GMPS: variants seen among roughly 807,000 people sequenced by gnomAD.
GMPS encodes GMP synthase [glutamine-hydrolyzing].
A neutral mutation model predicts 77.9 loss-of-function variants in GMPS; 15 were observed. The ratio of observed to expected loss-of-function variants is 0.19; its 90% CI spans 0.13 to 0.30. GMPS has a LOEUF of 0.30. Among genes scored for constraint, GMPS ranks in the 10% least tolerant of loss-of-function variants. The pLI is 1.00. For missense variants in GMPS, 590 were observed against 838.8 expected (o/e 0.70, Z 3.66); for synonymous variants, 224 against 275.9 (o/e 0.81, Z 1.86).
In GMPS at chr3:155,935,017, T is replaced by C. The variant is rs777424999; in HGVS notation, c.1778T>C (p.Phe593Ser). 208 of 1,608,862 alleles carry C rather than the reference T, an allele frequency of 1.3e-4. No homozygotes were observed. The highest frequency in any genetic ancestry group is 1.7e-4 in the Non-Finnish European group (202 of 1,175,306). ...GVLSTLRQAD[F>S]EAHNILRESG... ...CTCAGTACTTTACGCCAAGCTGATT[T>C]TGAGGCCCATAACATTCTCAGGGAG... The change falls in exon 14 of 16, where the codon TTT (phenylalanine) becomes TCT (serine). Residue 593 changes from phenylalanine to serine, a missense_variant. Around this residue, in one of 6 missense-constraint regions of GMPS, gnomAD observed 73 missense variants for 170.5 expected, o/e 0.43. Coordinates refer to ENST00000496455, the MANE Select transcript of GMPS (RefSeq NM_003875.3).
chr3:155,871,287 G>T (rs1753899007), intron 1 of GMPS, among the ~76,000 whole-genome samples: 1 of 151,980 alleles, frequency 6.6e-6, no homozygotes, highest in Admixed American at 6.6e-5. Context: ...CTCCCACCCC[G>T]TCCCTCTGGG....
upstream of GMPS, among the ~76,000 whole-genome samples, chr3:155,870,157 T>C (rs535827219): frequency 3.3e-5 from 5 of 152,356 alleles, no homozygotes; most frequent in East Asian, 9.6e-4. Flanking sequence ...CCTTGAGATA[T>C]GGCCACGGAA....
intron 3 of GMPS, among the ~76,000 whole-genome samples, chr3:155,903,629 A>G (rs1366563169): frequency 1.3e-5 from 2 of 152,258 alleles, no homozygotes; most frequent in Non-Finnish European, 2.9e-5. Flanking sequence ...TTTGACAGAA[A>G]TTAACTGCAG....
intron 1 of GMPS, among the ~76,000 whole-genome samples, chr3:155,891,410 A>G (rs763889832): frequency 3.8e-4 from 58 of 152,162 alleles, no homozygotes; most frequent in Non-Finnish European, 5.1e-4. Context: ...GGGTGTGTGT[A>G]TGTGTATACA....
At position 155,870,673 on chromosome 3, in the gene GMPS, C is replaced by T. The variant is rs1753880803; in HGVS notation, c.-198C>T. 1 of 504,250 alleles carries T rather than the reference C, an allele frequency of 2.0e-6. No individual in the cohort carries two copies. The allele number at this position is 504,250 out of a possible 1,614,324, so 31.2% of individuals were successfully genotyped here. A position where few individuals can be genotyped will look rare whatever the true frequency, so the allele number is the denominator to read the frequency against. ...GCAGCGTGCGCGCTGCTGGTCTTCT[C>T]TCCCGCGGCGCTGGGGCCCGCGCTC... On this transcript the variant is annotated 5_prime_UTR_variant, in exon 1 of 16. Transcript: ENST00000496455.
intron 1 of GMPS, among the ~76,000 whole-genome samples, chr3:155,891,027 G>A (rs1300188678): frequency 6.6e-6 from 1 of 152,186 alleles, no homozygotes; most frequent in African/African-American, 2.4e-5. Flanking sequence ...AATGAAAGAA[G>A]GGAGGTGATT....
intron 12 of GMPS, among the ~76,000 whole-genome samples, chr3:155,926,587 T>A (rs1017027058): frequency 6.6e-6 from 1 of 150,814 alleles, no homozygotes. Flanking sequence ...AATAAAAAAA[T>A]AAAAAATAAA....
chr3:155,906,091 A>T, intron 4 of GMPS, 69 bp from the exon 5 acceptor site: 1 of 910,386 alleles, frequency 1.1e-6, no homozygotes. Flanking sequence ...TTGTGTTTCT[A>T]AAACAAAAGA....
chr3:155,935,132 T>TTTTTTTATTTTAGATGCTTTTTTTA, intron 14 of GMPS, 86 bp downstream of exon 14: 1 of 860,164 alleles, frequency 1.2e-6, no homozygotes, highest in Non-Finnish European at 1.9e-6. Context: ...TGGCTTTTGC[T>TTTTTTTATTTTAGATGCTTTTTTTA]TTTTAGATGC....
chr3:155,903,937 G>A lies in GMPS; in HGVS notation c.399G>A (p.Val133=). The change falls in exon 4 of 16, where the codon GTG becomes GTA. Residue 133 remains valine (V), a synonymous_variant. Transcript: ENST00000496455. ...AAGATGGAGTTTTCAACATTAGTGT[G>A]GATAATACATGTTCATTATTCAGGT... The part of the protein sequence containing the change: ...VREDGVFNIS[V]DNTCSLFRGL... The A allele has an allele frequency of 6.8e-7, 1 of 1,474,098 alleles. No homozygotes were observed. The highest frequency in any genetic ancestry group is 2.3e-5 in the East Asian group (1 of 42,910). 91.3% of individuals were successfully genotyped at this position (1,474,098 alleles called of 1,614,324 possible).
chr3:155,877,036 C>T (rs534978030), intron 1 of GMPS, among the ~76,000 whole-genome samples: 4 of 152,156 alleles, frequency 2.6e-5, no homozygotes, highest in African/African-American at 9.7e-5. Flanking sequence ...AAACTCACAG[C>T]GGTCCATGTA....
At chr3:155,932,767 G>T (rs1489919878) in intron 13 of GMPS, among the ~76,000 whole-genome samples, 1 of 152,192 alleles carries the variant, frequency 6.6e-6, no homozygotes, top group Non-Finnish European at 1.5e-5. Flanking sequence ...TATAGTTCGA[G>T]ATAAGGAGTT....
At chr3:155,897,789 T>C in intron 2 of GMPS, 138 bp from the exon 3 acceptor site, 1 of 636,282 alleles carries the variant, frequency 1.6e-6, no homozygotes, top group Non-Finnish European at 2.9e-6. Flanking sequence ...GTGATATAAT[T>C]AGAATTTGCT....
chr3:155,917,128 G>A (rs964818881), intron 9 of GMPS, among the ~76,000 whole-genome samples: 2 of 151,796 alleles, frequency 1.3e-5, no homozygotes, highest in Non-Finnish European at 2.9e-5. Flanking sequence ...CATGCGCCAC[G>A]AGGCCCGGCT....
At chr3:155,879,257 G>A (rs1754148217) in intron 1 of GMPS, among the ~76,000 whole-genome samples, 1 of 146,928 alleles carries the variant, frequency 6.8e-6, no homozygotes, top group Non-Finnish European at 1.5e-5. Flanking sequence ...ATCCTTTTCT[G>A]CACTTGTCTT....
chr3:155,897,363 G>T (rs1403361387), intron 2 of GMPS, among the ~76,000 whole-genome samples: 1 of 152,170 alleles, frequency 6.6e-6, no homozygotes, highest in South Asian at 2.1e-4. Flanking sequence ...CAGGGCATGT[G>T]GGGGCAGAAG....
At chr3:155,919,094 C>T in intron 9 of GMPS, 139 bp from the exon 10 acceptor site, 1 of 554,368 alleles carries the variant, frequency 1.8e-6, no homozygotes. Context: ...GGAACAAATA[C>T]TTTAAAAGAT....
At chr3:155,913,663 G>C (rs1459772904) in intron 7 of GMPS, among the ~76,000 whole-genome samples, 2 of 152,000 alleles carry the variant, frequency 1.3e-5, no homozygotes, top group Non-Finnish European at 2.9e-5. Flanking sequence ...TGGGATTGCA[G>C]ACATGTGCCA....
chr3:155,916,159 T>C lies in GMPS; in HGVS notation c.1179T>C (p.Asn393=), dbSNP rs934648284. Residue 393 remains asparagine, a synonymous_variant, in exon 9 of 16, where the codon AAT becomes AAC. Coordinates refer to ENST00000496455, the MANE Select transcript of GMPS (RefSeq NM_003875.3). Reference sequence around the variant, plus strand: ...CTGAACTCATCAAAACCCATCACAATGACACAGAGCTCATCAGAAAGTTGA... The same window carrying C: ...CTGAACTCATCAAAACCCATCACAACGACACAGAGCTCATCAGAAAGTTGA... ...GKAELIKTHH[N]DTELIRKLRE... 6.2e-7 allele frequency: 1 copy of C among 1,613,530 alleles called. No homozygotes were observed. Among genetic ancestry groups the C allele is most frequent in the Non-Finnish European group, 8.5e-7 (1 of 1,179,618 alleles).
Sources: allele counts gnomAD v4.1 joint callset (sites outside exome capture counted in the v4.1 genomes callset), GRCh38; gene constraint gnomAD v4.1.1; regional missense constraint gnomAD v4.1.1; transcripts MANE v1.5; gene names NCBI Gene and HGNC (gene_info 2026-07-23, HGNC 2026-07-21).